Variants in DOCK1 observed in about 807,000 individuals in gnomAD.
DOCK1 encodes the protein dedicator of cytokinesis protein 1.
In DOCK1, 138 loss-of-function variants were observed where a neutral mutation model predicts 262.7. The ratio of observed to expected loss-of-function variants is 0.53; its 90% CI spans 0.46 to 0.61. The LOEUF (loss-of-function observed/expected upper bound fraction) is 0.61, where lower values mean the gene tolerates loss of function less well. Ranked by LOEUF, DOCK1 falls within the 20% of genes least tolerant of loss-of-function variation. The probability of loss-of-function intolerance (pLI) is 0.00; values close to 1 mark genes in which losing one functional copy is unlikely to be tolerated. For synonymous variants in DOCK1, 866 were observed against 867.4 expected, an observed-to-expected ratio of 1.00 and a Z score of 0.03; for missense variants, 1,908 against 2,370.7, an observed-to-expected ratio of 0.80 and a Z score of 4.05.
chr10:127,361,834 G>A (rs2296638), intron 32 of DOCK1, among the ~76,000 whole-genome samples: 35,564 of 152,084 alleles, frequency 0.23, 4,832 homozygotes, highest in Middle Eastern at 0.43. Flanking sequence ...GGCTTATACC[G>A]CGCGGATCTT....
intron 2 of DOCK1, among the ~76,000 whole-genome samples, chr10:126,975,827 A>T (rs1209625150): frequency 1.3e-5 from 2 of 151,440 alleles, no homozygotes; most frequent in Non-Finnish European, 2.9e-5. Context: ...CATGTTGGCC[A>T]GGCTAGTCTT....
intron 30 of DOCK1, 54 bp downstream of exon 30, chr10:127,339,138 G>T: frequency 7.0e-7 from 1 of 1,427,486 alleles, no homozygotes. Flanking sequence ...AAAACAAATT[G>T]CTGGTCCGAG....
chr10:127,280,836 T>C (rs191742052), intron 29 of DOCK1, among the ~76,000 whole-genome samples: 1 of 152,184 alleles, frequency 6.6e-6, no homozygotes, highest in Admixed American at 6.5e-5. Flanking sequence ...TTTTTCATTT[T>C]TTACTCCACG....
chr10:127,258,704 G>A (rs950486884), intron 29 of DOCK1, among the ~76,000 whole-genome samples: 19 of 152,196 alleles, frequency 1.2e-4, no homozygotes, highest in Non-Finnish European at 2.2e-4. Flanking sequence ...ATTTCGTGAC[G>A]TAGGAAACTG....
intron 10 of DOCK1, among the ~76,000 whole-genome samples, chr10:127,004,972 A>AT (rs1236744984): frequency 7.9e-5 from 12 of 151,716 alleles, no homozygotes; most frequent in African/African-American, 2.9e-4. Flanking sequence ...CATCTGGGGA[A>AT]TTTTTTTTAA....
At chr10:127,020,905 C>A (rs753928814) in intron 13 of DOCK1, among the ~76,000 whole-genome samples, 2 of 152,164 alleles carry the variant, frequency 1.3e-5, no homozygotes, top group African/African-American at 4.8e-5. Context: ...CATCACCCAG[C>A]GGCCTGCTCT....
intron 11 of DOCK1, 50 bp downstream of exon 11, chr10:127,008,854 T>G: frequency 7.0e-7 from 1 of 1,419,692 alleles, no homozygotes; most frequent in Non-Finnish European, 9.7e-7. Flanking sequence ...GTGGAAAACA[T>G]AGGCTTGTAA....
At chr10:127,187,708 A>C (rs1258234185) in intron 27 of DOCK1, among the ~76,000 whole-genome samples, 1 of 150,108 alleles carries the variant, frequency 6.7e-6, no homozygotes, top group African/African-American at 2.4e-5. Flanking sequence ...TAATCCATTA[A>C]AAAACAAGGA....
At chr10:127,190,014 GGTGAAAACTC>G (rs1471223564) in intron 27 of DOCK1, among the ~76,000 whole-genome samples, 5 of 152,074 alleles carry the variant, frequency 3.3e-5, no homozygotes, top group Non-Finnish European at 7.4e-5. Flanking sequence ...GGTGAGCTCT[GGTGAAAACTC>G]TTTTTAACCC....
intron 14 of DOCK1, among the ~76,000 whole-genome samples, chr10:127,023,530 G>T (rs2042596568): frequency 6.8e-6 from 1 of 147,782 alleles, no homozygotes; most frequent in Non-Finnish European, 1.5e-5. Flanking sequence ...TATCTCAGGA[G>T]GTCCCTGTGG....
At chr10:127,430,390 C>T (rs1226035292) in intron 47 of DOCK1, among the ~76,000 whole-genome samples, 1 of 152,196 alleles carries the variant, frequency 6.6e-6, no homozygotes, top group Non-Finnish European at 1.5e-5. Flanking sequence ...TCAGCAGGAA[C>T]ATTTAGCTTC....
intron 23 of DOCK1, among the ~76,000 whole-genome samples, chr10:127,093,202 C>CTTTCTTTCTTTCTTCCTTTCTTTG (rs1554883881): frequency 7.7e-6 from 1 of 129,560 alleles, no homozygotes; most frequent in Non-Finnish European, 1.6e-5. Context: ...TCTCCTTTTT[C>CTTTCTTTCTTTCTTCCTTTCTTTG]TTTCTTTCTT....
intron 1 of DOCK1, among the ~76,000 whole-genome samples, chr10:126,929,599 G>A (rs1474203648): frequency 6.6e-6 from 1 of 152,016 alleles, no homozygotes; most frequent in Admixed American, 6.6e-5. Flanking sequence ...TGAGGGAGGC[G>A]CTACCTGGGC....
At chr10:126,952,263 G>A (rs1229341321) in intron 1 of DOCK1, among the ~76,000 whole-genome samples, 1 of 151,992 alleles carries the variant, frequency 6.6e-6, no homozygotes. Flanking sequence ...GATGGTAATA[G>A]CATTGTTATT....
intron 12 of DOCK1, chr10:127,016,551 C>G (rs924515012): frequency 2.0e-5 from 3 of 152,434 alleles, no homozygotes; most frequent in Admixed American, 2.0e-4. Flanking sequence ...GTGACTGTCT[C>G]AGTTCCTTCC....
intron 27 of DOCK1, among the ~76,000 whole-genome samples, chr10:127,130,081 TTTTTTTTTTTTTTTTC>T (rs1564824483): frequency 2.1e-4 from 2 of 9,346 alleles, no homozygotes; most frequent in Non-Finnish European, 6.0e-4. Context: ...TTTTTTTTTT[TTTTTTTTTTTTTTTTC>T]CCCTGAGATA....
intron 25 of DOCK1, 41 bp from the exon 26 acceptor site, chr10:127,125,433 G>C (rs763161243): frequency 6.2e-7 from 1 of 1,607,576 alleles, no homozygotes; most frequent in Admixed American, 1.7e-5. Context: ...GTTGCGTCTT[G>C]GTGGGTTTCA....
intron 27 of DOCK1, among the ~76,000 whole-genome samples, chr10:127,245,152 A>T (rs867380602): frequency 6.6e-6 from 1 of 152,222 alleles, no homozygotes; most frequent in Non-Finnish European, 1.5e-5. Context: ...GCCCAAAAAA[A>T]TACTGATAAC....
At chr10:127,429,773 C>T (rs372022854) in intron 47 of DOCK1, among the ~76,000 whole-genome samples, 3 of 151,372 alleles carry the variant, frequency 2.0e-5, no homozygotes, top group African/African-American at 7.3e-5. Context: ...AGCCCGTGAG[C>T]ACCTGCCACG....
Sources: allele counts gnomAD v4.1 joint callset (sites outside exome capture counted in the v4.1 genomes callset), GRCh38; gene constraint gnomAD v4.1.1; transcripts MANE v1.5; gene names NCBI Gene and HGNC (gene_info 2026-07-23, HGNC 2026-07-21).